Variants in RADIL observed in about 807,000 individuals in gnomAD.
RADIL encodes ras-associating and dilute domain-containing protein.
In RADIL, 99 loss-of-function variants were observed where a neutral mutation model predicts 97.6. The ratio of observed to expected loss-of-function variants is 1.01; its 90% CI spans 0.86 to 1.20. The LOEUF (loss-of-function observed/expected upper bound fraction) is 1.20. RADIL is among the 50% of genes most tolerant of loss of function. The pLI, the probability that RADIL is intolerant of heterozygous loss-of-function variation, is 0.00. For synonymous variants in RADIL, 803 were observed against 691.8 expected (o/e 1.16, Z -2.52); for missense variants, 1,765 against 1,498.9 (o/e 1.18, Z -2.93).
Position 4,805,568 on chromosome 7 carries a change from G to C in RADIL, c.2288C>G (p.Ser763Ter), listed in dbSNP as rs1285460732. ...TCCTGCCCTGGGGCAGGGCTTACCT[G>C]ACCTGAAGGCCTCGGGGCTGTCCTG... ...GAQDSPEAFR[S>*]EDVLESYENP... Residue 763 changes from serine to a stop codon, truncating the protein, a stop_gained and splice_region_variant, in exon 10 of 15, where the codon TCA (serine) becomes TGA (stop). Transcript: ENST00000399583. LOFTEE classifies it high-confidence loss of function. 16 of 1,598,442 alleles carry C rather than the reference G, an allele frequency of 1.0e-5. No homozygotes were observed. The highest frequency in any genetic ancestry group is 1.3e-5 in the Non-Finnish European group (15 of 1,171,130).
At chr7:4,832,077 CG>C (rs1783158724) in intron 5 of RADIL, 63 bp downstream of exon 5, 1 of 1,571,226 alleles carries the variant, frequency 6.4e-7, no homozygotes, top group South Asian at 1.1e-5. Context: ...TTGGCTCCCC[CG>C]GGAAGTGTGA....
chr7:4,805,288 G>T (rs541736841), intron 10 of RADIL: 1 of 402,016 alleles, frequency 2.5e-6, no homozygotes, highest in Non-Finnish European at 4.5e-6. Context: ...CTCCGGCTCC[G>T]TGAGGGAACG....
chr7:4,875,020 G>A lies in RADIL; in HGVS notation c.535+2585C>T, dbSNP rs1027195032. Among the ~76,000 whole-genome samples, 7 of 151,494 alleles carry A rather than the reference G, an allele frequency of 4.6e-5. No homozygotes were observed. In the South Asian group the frequency reaches 6.3e-4, roughly 14 times the overall value. ...ATCCTGGCTAACACGGTGAAACCCC[G>A]TGTCTACTAAAAATACAAAAAATTA... On this transcript the variant is annotated intron_variant, in intron 2 of 14. Coordinates refer to ENST00000399583, the MANE Select transcript of RADIL (RefSeq NM_018059.5).
chr7:4,818,052 T>C lies in RADIL; in HGVS notation c.1616-701A>G, dbSNP rs1309608056. 6.6e-6 allele frequency among the ~76,000 whole-genome samples: 1 copy of C among 152,234 alleles called. No homozygotes were observed. The highest frequency in any genetic ancestry group is 2.4e-5 in the African/African-American group (1 of 41,472). ...GCCAGGACCCTGGGTGTTCCGCCTT[T>C]GGGCGCCTTCATTCTCTCCTGGGAC... On this transcript the variant is annotated intron_variant, in intron 6 of 14. Coordinates refer to ENST00000399583, the MANE Select transcript of RADIL (RefSeq NM_018059.5). This position sits in a 1 kb window ranked among gnomAD's most constrained non-coding sequence, Gnocchi z 7.1.
chr7:4,804,669 C>T (rs1485618791), intron 10 of RADIL, among the ~76,000 whole-genome samples: 2 of 152,126 alleles, frequency 1.3e-5, no homozygotes, highest in African/African-American at 2.4e-5. Flanking sequence ...CACCTGTAAT[C>T]CCAGCTACTT....
At position 4,816,424 on chromosome 7, in the gene RADIL, T is replaced by A; in HGVS notation, c.1770A>T (p.Pro590=). ...AGCTCTCACGGCGCTCCGTCTGGAATGGCGGGCACTCCAGGAGTGCCGGGA... is the reference window on the plus strand; with the variant it reads ...AGCTCTCACGGCGCTCCGTCTGGAAAGGCGGGCACTCCAGGAGTGCCGGGA... ...ICLPALLECP[P]FQTERRESWS... The change falls in exon 8 of 15, where the codon CCA becomes CCT. Residue 590 remains proline (P), a synonymous_variant. Coordinates refer to ENST00000399583, the MANE Select transcript of RADIL (RefSeq NM_018059.5). 1 of 1,608,164 alleles carries A rather than the reference T, an allele frequency of 6.2e-7. No individual in the cohort carries two copies. The highest frequency in any genetic ancestry group is 8.5e-7 in the Non-Finnish European group (1 of 1,178,414).
intron 5 of RADIL, among the ~76,000 whole-genome samples, chr7:4,823,908 C>G (rs1782903771): frequency 1.3e-5 from 2 of 152,206 alleles, no homozygotes; most frequent in Non-Finnish European, 2.9e-5. Context: ...GTCCATGCAC[C>G]AGCTCAGCAT....
At position 4,815,664 on chromosome 7, in the gene RADIL, G is replaced by C. The variant is rs956057691; in HGVS notation, c.1967-214C>G. 6.6e-6 allele frequency among the ~76,000 whole-genome samples: 1 copy of C among 152,148 alleles called. No individual in the cohort carries two copies. The highest frequency in any genetic ancestry group is 2.4e-5 in the African/African-American group (1 of 41,434). ...GGTACGGTGGGAGGTGAACGTAGCA[G>C]GGCAGGGTGGGCTGTGACTGCCGCT... On this transcript the variant is annotated intron_variant, in intron 8 of 14. Transcript: ENST00000399583. The surrounding 1 kb of genome is among the most constrained non-coding windows in gnomAD (Gnocchi z 8.0).
At chr7:4,832,554 C>T (rs1783175009) in intron 4 of RADIL, among the ~76,000 whole-genome samples, 1 of 151,976 alleles carries the variant, frequency 6.6e-6, no homozygotes, top group African/African-American at 2.4e-5. Flanking sequence ...GCCTGGACAA[C>T]ATGGTGAAAC....
chr7:4,832,658 G>C (rs1302120812), intron 4 of RADIL, among the ~76,000 whole-genome samples: 4 of 146,748 alleles, frequency 2.7e-5, no homozygotes, highest in African/African-American at 7.6e-5. Context: ...AGAATCCCTT[G>C]AACCTGGGAG....
At position 4,822,211 on chromosome 7, in the gene RADIL, C is replaced by T. The variant is rs1782852563; in HGVS notation, c.1615+183G>A. On this transcript the variant is annotated intron_variant, in intron 6 of 14. Coordinates refer to ENST00000399583, the MANE Select transcript of RADIL (RefSeq NM_018059.5). This position sits in a 1 kb window ranked among gnomAD's most constrained non-coding sequence, Gnocchi z 5.3. ...GAGGTGCCAGACTGGCCCGTGCCAC[C>T]AGCACCAGCCTCACAGGCCGTCCCC... Among the ~76,000 whole-genome samples the T allele has an allele frequency of 6.6e-6, 1 of 152,184 alleles. No homozygotes were observed. The highest frequency in any genetic ancestry group is 2.4e-5 in the African/African-American group (1 of 41,454).
At chr7:4,861,756 TCGGCGG>T in intron 2 of RADIL, 3 of 1,488,770 alleles carry the variant, frequency 2.0e-6, no homozygotes, top group Non-Finnish European at 2.7e-6. Context: ...CCGTAGCGAT[TCGGCGG>T]CGGCGCCGGC....
rs941173796 is a variant in RADIL at position 4,836,974 on chromosome 7, T to G, written c.536-369A>C. ...AAACAGGTAAGTCTAATAGCGCCCA[T>G]GTCCCGGGTCCTTCTGAGTTCAAAT... On this transcript the variant is annotated intron_variant, in intron 2 of 14. Coordinates refer to ENST00000399583, the MANE Select transcript of RADIL (RefSeq NM_018059.5). Among the ~76,000 whole-genome samples, 3 of 152,214 alleles carry G rather than the reference T, an allele frequency of 2.0e-5. No homozygotes were observed. In the East Asian group the frequency reaches 5.8e-4, roughly 29 times the overall value.
rs181270466 is a variant in RADIL at position 4,800,712 on chromosome 7, C to G, written c.2843-402G>C. Among the ~76,000 whole-genome samples the G allele has an allele frequency of 3.4e-4, 52 of 152,298 alleles. No homozygotes were observed. In the East Asian group the frequency reaches 9.9e-3, roughly 29 times the overall value. ...TTCCCACCGCTGACCAGACCGGGGC[C>G]CCAGGCCCTAGCCCAGCCCAGCCCA... On this transcript the variant is annotated intron_variant, in intron 12 of 14. Coordinates refer to ENST00000399583, the MANE Select transcript of RADIL (RefSeq NM_018059.5).
At chr7:4,831,951 T>A (rs141502219) in intron 5 of RADIL, among the ~76,000 whole-genome samples, 190 bp downstream of exon 5, 1 of 152,052 alleles carries the variant, frequency 6.6e-6, no homozygotes, top group Non-Finnish European at 1.5e-5. Flanking sequence ...CCTGAAGCAA[T>A]TTCCCAAAAC....
At position 4,861,151 on chromosome 7, in the gene RADIL, G is replaced by C. The variant is rs969610312; in HGVS notation, c.535+16454C>G. On this transcript the variant is annotated intron_variant, in intron 2 of 14. Transcript: ENST00000399583. ...TGATGGCTCTCAGAGTCAGCCTGAA[G>C]TTGTCAATGTTTGGCACTAGATGTA... The C allele has an allele frequency of 1.9e-6, 3 of 1,614,108 alleles. No individual in the cohort carries two copies. The African/African-American group carries it at 4.0e-5, about 22-fold the overall frequency.
chr7:4,800,033 C>G, intron 13 of RADIL, 138 bp downstream of exon 13: 1 of 1,319,588 alleles, frequency 7.6e-7, no homozygotes, highest in Non-Finnish European at 1.0e-6. Context: ...CCCCTCCCAG[C>G]TGCAGAGGCC....
At chr7:4,823,143 C>T (rs1207522182) in intron 5 of RADIL, among the ~76,000 whole-genome samples, 2 of 152,078 alleles carry the variant, frequency 1.3e-5, no homozygotes, top group Non-Finnish European at 2.9e-5. Flanking sequence ...GATTTGAAGA[C>T]TCAGAGGCAA....
In RADIL at chr7:4,815,186, T is replaced by G; in HGVS notation, c.2139+92A>C. 7.1e-7 allele frequency: 1 copy of G among 1,403,912 alleles called. No individual in the cohort carries two copies. The highest frequency in any genetic ancestry group is 9.4e-7 in the Non-Finnish European group (1 of 1,065,242). The allele number at this position is 1,403,912 out of a possible 1,614,324, so 87.0% of individuals were successfully genotyped here. A position where few individuals can be genotyped will look rare whatever the true frequency, so the allele number is the denominator to read the frequency against. On this transcript the variant is annotated intron_variant, in intron 9 of 14. Transcript: ENST00000399583. This position sits in a 1 kb window ranked among gnomAD's most constrained non-coding sequence, Gnocchi z 8.0. Reference sequence around the variant, plus strand: ...TGAGGTTTCCAGCCAAGAAGCCCCGTCCCGGCCCCCAGGCTTGGTTTGTGA... The same window carrying G: ...TGAGGTTTCCAGCCAAGAAGCCCCGGCCCGGCCCCCAGGCTTGGTTTGTGA...
Sources: allele counts gnomAD v4.1 joint callset (sites outside exome capture counted in the v4.1 genomes callset), GRCh38; gene constraint gnomAD v4.1.1; non-coding constraint Gnocchi (gnomAD v3.1); transcripts MANE v1.5; gene names NCBI Gene and HGNC (gene_info 2026-07-23, HGNC 2026-07-21).